EFNA5: variants seen among roughly 807,000 people sequenced by gnomAD.
The protein encoded by EFNA5 is ephrin A5, also known as ephrin-A5.
In EFNA5, 5 loss-of-function variants were observed where a neutral mutation model predicts 22.9. That is an observed-to-expected ratio of 0.22 (90% CI 0.11 to 0.46). The LOEUF (loss-of-function observed/expected upper bound fraction) is 0.46, where lower values mean the gene tolerates loss of function less well. Among genes scored for constraint, EFNA5 ranks in the 20% least tolerant of loss-of-function variants. EFNA5 has a pLI of 0.99. For synonymous variants in EFNA5, 113 were observed against 112.2 expected (o/e 1.01, Z -0.04); for missense variants, 237 against 293.3 (o/e 0.81, Z 1.40).
chr5:107,541,940 A>AT (rs1455728123), intron 1 of EFNA5, among the ~76,000 whole-genome samples: 1 of 152,158 alleles, frequency 6.6e-6, no homozygotes, highest in Non-Finnish European at 1.5e-5. Flanking sequence ...TTTTATTTTT[A>AT]TATCTGTGTT....
intron 1 of EFNA5, among the ~76,000 whole-genome samples, chr5:107,643,206 C>T (rs944289683): frequency 2.6e-5 from 4 of 152,110 alleles, no homozygotes; most frequent in African/African-American, 4.8e-5. Flanking sequence ...AGAATCTTGC[C>T]ATGCTAGTGC....
chr5:107,429,060 C>T (rs1413638553), intron 1 of EFNA5, among the ~76,000 whole-genome samples: 1 of 152,254 alleles, frequency 6.6e-6, no homozygotes, highest in South Asian at 2.1e-4. Context: ...TCCAGTTTCC[C>T]AGTATATTCC....
intron 1 of EFNA5, among the ~76,000 whole-genome samples, chr5:107,648,351 T>C (rs961841699): frequency 5.3e-5 from 8 of 152,336 alleles, no homozygotes; most frequent in African/African-American, 1.4e-4. Context: ...AAAATACTTA[T>C]ATTGCATAAT....
intron 1 of EFNA5, among the ~76,000 whole-genome samples, chr5:107,607,352 G>A (rs1246475531): frequency 6.6e-6 from 1 of 152,206 alleles, no homozygotes; most frequent in Non-Finnish European, 1.5e-5. Context: ...CTGCCTGCTA[G>A]AGAGGGCACT....
intron 2 of EFNA5, among the ~76,000 whole-genome samples, chr5:107,393,644 G>A (rs796328934): frequency 5.9e-5 from 9 of 152,268 alleles, no homozygotes; most frequent in African/African-American, 1.7e-4. Context: ...TTCTCAATTC[G>A]TGCAAGTCAA....
intron 1 of EFNA5, among the ~76,000 whole-genome samples, chr5:107,645,919 C>T (rs1308618956): frequency 6.6e-6 from 1 of 152,200 alleles, no homozygotes; most frequent in Non-Finnish European, 1.5e-5. Flanking sequence ...TTGCCATCGT[C>T]AATCTATCTT....
intron 2 of EFNA5, among the ~76,000 whole-genome samples, chr5:107,391,827 A>G (rs1747801375): frequency 6.6e-6 from 1 of 152,180 alleles, no homozygotes; most frequent in African/African-American, 2.4e-5. Flanking sequence ...ACATAATGAA[A>G]TACAAGCTGG....
At chr5:107,458,386 A>AT (rs1272665854) in intron 1 of EFNA5, among the ~76,000 whole-genome samples, 2 of 152,018 alleles carry the variant, frequency 1.3e-5, no homozygotes, top group Admixed American at 1.3e-4. Flanking sequence ...TTGTAATTAC[A>AT]TTTTGAGATG....
chr5:107,406,825 G>A (rs1748235526), intron 2 of EFNA5, among the ~76,000 whole-genome samples: 3 of 152,150 alleles, frequency 2.0e-5, no homozygotes, highest in African/African-American at 7.2e-5. Context: ...AAGTAAGAAA[G>A]GAAGGAATCA....
intron 2 of EFNA5, among the ~76,000 whole-genome samples, chr5:107,413,522 T>A (rs1748425159): frequency 6.6e-6 from 1 of 152,218 alleles, no homozygotes; most frequent in Admixed American, 6.5e-5. Context: ...TTACAGGAAC[T>A]ATTCATTATT....
At chr5:107,413,399 T>C (rs1237558953) in intron 2 of EFNA5, among the ~76,000 whole-genome samples, 1 of 152,128 alleles carries the variant, frequency 6.6e-6, no homozygotes, top group Non-Finnish European at 1.5e-5. Context: ...TTCATCAGAC[T>C]CTAACTGACA....
chr5:107,386,207 T>C (rs1747618969), intron 4 of EFNA5, among the ~76,000 whole-genome samples: 1 of 148,318 alleles, frequency 6.7e-6, no homozygotes, highest in African/African-American at 2.5e-5. Flanking sequence ...AATCTCTCCA[T>C]GAAGAGGAAA....
chr5:107,445,247 T>C (rs1749360371), intron 1 of EFNA5, among the ~76,000 whole-genome samples: 1 of 152,120 alleles, frequency 6.6e-6, no homozygotes, highest in African/African-American at 2.4e-5. Flanking sequence ...GGTCTTGAAC[T>C]CCTGACCACA....
chr5:107,612,441 T>C (rs1275768219), intron 1 of EFNA5, among the ~76,000 whole-genome samples: 1 of 151,964 alleles, frequency 6.6e-6, no homozygotes, highest in African/African-American at 2.4e-5. Flanking sequence ...ACTGCAATCA[T>C]CAATAGCCCA....
chr5:107,510,673 C>A (rs1029324623), intron 1 of EFNA5, among the ~76,000 whole-genome samples: 3 of 152,140 alleles, frequency 2.0e-5, no homozygotes, highest in African/African-American at 7.2e-5. Context: ...AAGAAATAAA[C>A]TAGAAAGACT....
At chr5:107,394,607 G>A (rs538668237) in intron 2 of EFNA5, among the ~76,000 whole-genome samples, 149 of 152,272 alleles carry the variant, frequency 9.8e-4, no homozygotes, top group African/African-American at 3.6e-3. Flanking sequence ...ACACAAAAGA[G>A]AAATGGGAAG....
chr5:107,591,636 C>A (rs1201802254), intron 1 of EFNA5, among the ~76,000 whole-genome samples: 1 of 150,154 alleles, frequency 6.7e-6, no homozygotes, highest in East Asian at 2.0e-4. Context: ...GCCTGGCCAA[C>A]ATGGTGAAAC....
intron 1 of EFNA5, among the ~76,000 whole-genome samples, chr5:107,452,325 G>GT (rs935006082): frequency 4.0e-5 from 6 of 151,164 alleles, no homozygotes; most frequent in African/African-American, 9.7e-5. Context: ...CAAGTATCCC[G>GT]TTTTTTTTCT....
In EFNA5 at chr5:107,376,914, A is replaced by G. The variant is rs1417618197; in HGVS notation, c.*4341T>C. ...TCCAATTAAAATGATGAAAATCTTT[A>G]ATTTTTATTTAGTTATACTTGTACG... On this transcript the variant is annotated 3_prime_UTR_variant, in exon 5 of 5. Coordinates refer to ENST00000333274, the MANE Select transcript of EFNA5 (RefSeq NM_001962.3). The G allele has an allele frequency of 6.6e-6, 1 of 152,152 alleles. No individual in the cohort carries two copies. Among genetic ancestry groups the G allele is most frequent in the Non-Finnish European group, 1.5e-5 (1 of 68,018 alleles). 9.4% of individuals were successfully genotyped at this position (152,152 alleles called of 1,614,324 possible).
Sources: gnomAD v4.1 joint callset for allele counts (sites outside exome capture counted in the v4.1 genomes callset) on GRCh38, gnomAD v4.1.1 for gene constraint, MANE v1.5 for transcripts, NCBI Gene and HGNC (gene_info 2026-07-23, HGNC 2026-07-21) for gene names.